The following PCDH18 variants were observed in gnomAD, a reference collection of about 807,000 sequenced individuals.
PCDH18 encodes protocadherin 18.
PCDH18 carries 38 observed loss-of-function variants against 71.5 expected under a neutral mutation model. The observed-to-expected ratio is 0.53, with a 90% CI of 0.41 to 0.70. The LOEUF (loss-of-function observed/expected upper bound fraction) is 0.70. Among genes scored for constraint, PCDH18 ranks in the 30% least tolerant of loss-of-function variants. The pLI, the probability that PCDH18 is intolerant of heterozygous loss-of-function variation, is 0.00. For missense variants in PCDH18, 1,334 were observed against 1,384.6 expected, an observed-to-expected ratio of 0.96 and a Z score of 0.58; for synonymous variants, 565 against 505.4, an observed-to-expected ratio of 1.12 and a Z score of -1.58.
Position 137,532,133 on chromosome 4 carries a change from A to G in PCDH18, c.-45T>C. The G allele has an allele frequency of 6.8e-7, 1 of 1,466,044 alleles. No homozygotes were observed. The highest frequency in any genetic ancestry group is 9.6e-7 in the Non-Finnish European group (1 of 1,046,396). The allele number at this position is 1,466,044 out of a possible 1,614,324, so 90.8% of individuals were successfully genotyped here. A position where few individuals can be genotyped will look rare whatever the true frequency, so the allele number is the denominator to read the frequency against. ...CCCTCACAGAGCAAGTTAAAACAGC[A>G]AAGCAATTGCCTCAACTTCCTTTGG... On this transcript the variant is annotated 5_prime_UTR_variant, in exon 1 of 4. Coordinates refer to ENST00000344876, the MANE Select transcript of PCDH18 (RefSeq NM_019035.5).
rs573140532 is a variant in PCDH18, at chr4:137,530,504, C to A, written c.1585G>T (p.Ala529Ser). The change falls in exon 1 of 4, where the codon GCC (alanine) becomes TCC (serine). Residue 529 changes from alanine (A) to serine (S), a missense_variant. Transcript: ENST00000344876. ...TIDPSNGAIY[A>S]LRIFDHEEVS... ...TCTTCATGATCAAAGATTCTGAGGG[C>A]ATAGATGGCTCCATTAGATGGGTCA... 6.2e-7 allele frequency: 1 copy of A among 1,613,834 alleles called. No homozygotes were observed. Among genetic ancestry groups the A allele is most frequent in the South Asian group, 1.1e-5 (1 of 91,044 alleles).
rs753136918 is a variant in PCDH18, at chr4:137,530,524, G to A, written c.1565C>T (p.Pro522Leu). ...GAGGGCATAGATGGCTCCATTAGAT[G>A]GGTCAATGGTTACATATGTAGTTAT... ...SSITTYVTIDPSNGAIYALRI... is the reference protein window; with the variant it reads ...SSITTYVTIDLSNGAIYALRI... The change falls in exon 1 of 4, where the codon CCA (proline) becomes CTA (leucine). Residue 522 changes from proline (P) to leucine (L), a missense_variant. Physicochemically the swap from Pro to Leu is moderately conservative, Grantham distance 98. This residue lies in a region of PCDH18 where 1,011 missense variants were observed against 1,048.0 expected (regional missense o/e 0.96). Coordinates refer to ENST00000344876, the MANE Select transcript of PCDH18 (RefSeq NM_019035.5). 3.7e-6 allele frequency: 6 copies of A among 1,613,538 alleles called. No individual in the cohort carries two copies. Among genetic ancestry groups the A allele is most frequent in the Non-Finnish European group, 5.1e-6 (6 of 1,179,700 alleles).
chr4:137,530,483 C>G lies in PCDH18; in HGVS notation c.1606G>C (p.Glu536Gln). 6.2e-7 allele frequency: 1 copy of G among 1,614,034 alleles called. No homozygotes were observed. Among genetic ancestry groups the G allele is most frequent in the Non-Finnish European group, 8.5e-7 (1 of 1,179,960 alleles). Residue 536 changes from glutamate (E) to glutamine (Q), a missense_variant, in exon 1 of 4, where the codon GAA becomes CAA. Physicochemically the swap from Glu to Gln is conservative, Grantham distance 29. This residue lies in a region of PCDH18 where 1,011 missense variants were observed against 1,048.0 expected (regional missense o/e 0.96). Transcript: ENST00000344876. ...AIYALRIFDH[E>Q]EVSQITFVVE... is the part of the protein sequence containing the mutation. ...ACAAAAGTGATCTGACTCACTTCTT[C>G]ATGATCAAAGATTCTGAGGGCATAG... is the stretch of plus-strand genomic sequence containing the variant.
chr4:137,521,388 G>A lies in PCDH18; in HGVS notation c.3049C>T (p.Pro1017Ser), dbSNP rs769506467. The change falls in exon 4 of 4, where the codon CCG (proline) becomes TCG (serine). Residue 1017 changes from proline (P) to serine (S), a missense_variant. This residue lies in a region of PCDH18 where 319 missense variants were observed against 316.3 expected (regional missense o/e 1.01). Transcript: ENST00000344876. ...TCAGAATAGGTGTCCAGGGAAGGCG[G>A]TAAGAGACGCTGGAACACACTGCTC... ...EMSSVFQRLL[P>S]PSLDTYSECS... 2 of 1,614,046 alleles carry A rather than the reference G, an allele frequency of 1.2e-6. No homozygotes were observed. Among genetic ancestry groups the A allele is most frequent in the African/African-American group, 2.7e-5 (2 of 74,924 alleles).
In PCDH18 at chr4:137,528,508, G is replaced by A; in HGVS notation, c.2710C>T (p.Leu904=). The change falls in exon 3 of 4, where the codon CTG becomes TTG. Residue 904 remains leucine (L), a synonymous_variant. Transcript: ENST00000344876. The part of the protein sequence containing the change: ...DRLLGEGFSD[L]FLTDGRIPAA... ...GGAATTCTTCCATCTGTGAGAAACA[G>A]GTCGCTGAATCCTTCACCCAACAGC... is the stretch of plus-strand genomic sequence containing the variant. 2 of 1,613,860 alleles carry A rather than the reference G, an allele frequency of 1.2e-6. No individual in the cohort carries two copies. The highest frequency in any genetic ancestry group is 8.5e-7 in the Non-Finnish European group (1 of 1,179,844).
Position 137,528,948 on chromosome 4 carries a change from T to C in PCDH18, c.2488-128A>G, listed in dbSNP as rs1309259504. ...GAATATATTCTCTCTATTTAAAAGA[T>C]TTGCAAATGCTGGACTGTGGCGGAC... On this transcript the variant is annotated intron_variant, in intron 1 of 3. Transcript: ENST00000344876. 5 of 729,798 alleles carry C rather than the reference T, an allele frequency of 6.9e-6. No homozygotes were observed. In the African/African-American group the frequency reaches 8.9e-5, roughly 13 times the overall value. 45.2% of individuals were successfully genotyped at this position (729,798 alleles called of 1,614,324 possible).
In PCDH18 at chr4:137,530,277, C is replaced by T. The variant is rs1210143224; in HGVS notation, c.1812G>A (p.Arg604=). The T allele has an allele frequency of 6.2e-7, 1 of 1,613,934 alleles. No homozygotes were observed. The highest frequency in any genetic ancestry group is 1.7e-5 in the Admixed American group (1 of 59,998). ...AESGFHVTRI[R]AIDRDSGVNA... is the part of the protein sequence containing the mutation. Reference sequence around the variant, plus strand: ...TCACACCAGAGTCTCTGTCAATTGCCCTTATTCTTGTGACATGAAAGCCAC... The same window carrying T: ...TCACACCAGAGTCTCTGTCAATTGCTCTTATTCTTGTGACATGAAAGCCAC... The change falls in exon 1 of 4, where the codon AGG becomes AGA. Residue 604 remains arginine (R), a synonymous_variant. Transcript: ENST00000344876.
chr4:137,525,810 C>T (rs1731436677), intron 3 of PCDH18, among the ~76,000 whole-genome samples: 1 of 152,022 alleles, frequency 6.6e-6, no homozygotes, highest in South Asian at 2.1e-4. Flanking sequence ...ACTCTCCAGC[C>T]ACACCCATGG....
At chr4:137,529,431 A>G (rs575462975) in intron 1 of PCDH18, 171 bp downstream of exon 1, 3 of 517,872 alleles carry the variant, frequency 5.8e-6, no homozygotes, top group Admixed American at 3.3e-5. Context: ...TAAAAACAGT[A>G]TGCTAAAGTG....
At chr4:137,525,884 TTAA>T (rs1329915821) in intron 3 of PCDH18, among the ~76,000 whole-genome samples, 1 of 152,116 alleles carries the variant, frequency 6.6e-6, no homozygotes, top group Non-Finnish European at 1.5e-5. Context: ...AGTGGAATTA[TTAA>T]TGATGATATA....
chr4:137,521,604 TC>T lies in PCDH18; in HGVS notation c.2832del (p.Ser945ValfsTer64). 1 of 1,613,858 alleles carries T rather than the reference TC, an allele frequency of 6.2e-7. No individual in the cohort carries two copies. The highest frequency in any genetic ancestry group is 8.5e-7 in the Non-Finnish European group (1 of 1,179,982). ...TCTTCCCCTGGAATGAACATGTTACTCCTATAATCAGAAGACGGTGAGGGCA... is the reference window on the plus strand; with the variant it reads ...TCTTCCCCTGGAATGAACATGTTACTCTATAATCAGAAGACGGTGAGGGCA... ...PPLPSPSSDYRSNMFIPGEEF... is the reference protein window; with the variant it reads ...PPLPSPSSDYXSNMFIPGEEF... On this transcript the variant is annotated frameshift_variant, in exon 4 of 4. Transcript: ENST00000344876. LOFTEE classifies it high-confidence loss of function.
chr4:137,531,126 C>T lies in PCDH18; in HGVS notation c.963G>A (p.Glu321=), dbSNP rs774399542. ...QVDYEITKSY[E]IDVQAQDLGP... is the part of the protein sequence containing the mutation. ...CCAAATCTTGAGCCTGAACATCAAT[C>T]TCATAGGATTTGGTGATTTCATAAT... The change falls in exon 1 of 4, where the codon GAG becomes GAA. Residue 321 remains glutamate (E), a synonymous_variant. Transcript: ENST00000344876. The T allele has an allele frequency of 4.3e-6, 7 of 1,613,770 alleles. No individual in the cohort carries two copies. The Admixed American group carries it at 1.2e-4, about 27-fold the overall frequency.
At position 137,529,758 on chromosome 4, in the gene PCDH18, C is replaced by T. The variant is rs140521915; in HGVS notation, c.2331G>A (p.Ser777=). 109 of 1,613,774 alleles carry T rather than the reference C, an allele frequency of 6.8e-5. 1 individual carries two copies. In the East Asian group the frequency reaches 1.6e-3, roughly 24 times the overall value. ...GTLPIRSHHR[S]SPSSSPTLER... ...CTAAGGTAGGAGATGAAGATGGAGA[C>T]GATCTGTGATGAGATCTGATGGGCA... The change falls in exon 1 of 4, where the codon TCG becomes TCA. Residue 777 remains serine (S), a synonymous_variant. Transcript: ENST00000344876.
chr4:137,521,220 G>A lies in PCDH18; in HGVS notation c.3217C>T (p.Leu1073Phe), dbSNP rs1207963575. ...GGCTGCACACTGGAGTGAGTTCCAA[G>A]TGGCGGCCCACAGTTGGTGGTGGGA... ...QNPTTNCGPP[L>F]GTHSSVQPSS... is the part of the protein sequence containing the mutation. Residue 1073 changes from leucine to phenylalanine, a missense_variant, in exon 4 of 4, where the codon CTT (leucine) becomes TTT (phenylalanine). Coordinates refer to ENST00000344876, the MANE Select transcript of PCDH18 (RefSeq NM_019035.5). 1.2e-6 allele frequency: 2 copies of A among 1,613,862 alleles called. No homozygotes were observed. Among genetic ancestry groups the A allele is most frequent in the Admixed American group, 3.3e-5 (2 of 60,000 alleles).
Position 137,519,765 on chromosome 4 carries a change from T to C in PCDH18, c.*1264A>G, listed in dbSNP as rs954530269. 2.0e-5 allele frequency: 3 copies of C among 152,452 alleles called. No homozygotes were observed. Among genetic ancestry groups the C allele is most frequent in the Non-Finnish European group, 4.4e-5 (3 of 68,038 alleles). The allele number at this position is 152,452 out of a possible 1,614,324, so 9.4% of individuals were successfully genotyped here. ...AATTTTCTGGAGAGTACAATCAAGATAGTGTATTATTAGAAATAACATTAA... is the reference window on the plus strand; with the variant it reads ...AATTTTCTGGAGAGTACAATCAAGACAGTGTATTATTAGAAATAACATTAA... On this transcript the variant is annotated 3_prime_UTR_variant, in exon 4 of 4. Transcript: ENST00000344876.
intron 3 of PCDH18, among the ~76,000 whole-genome samples, chr4:137,527,535 C>T (rs1052258846): frequency 2.0e-5 from 3 of 152,100 alleles, no homozygotes; most frequent in Non-Finnish European, 4.4e-5. Flanking sequence ...GTCTGAGGCT[C>T]CCTCATGTTT....
chr4:137,524,062 T>G lies in PCDH18; in HGVS notation c.2741-2366A>C, dbSNP rs140585975. On this transcript the variant is annotated intron_variant, in intron 3 of 3. Transcript: ENST00000344876. ...GAAAACATTCTCAATCTGTAAGTAATTCAGTGCCACAAATGTTCCATACTA... is the reference window on the plus strand; with the variant it reads ...GAAAACATTCTCAATCTGTAAGTAAGTCAGTGCCACAAATGTTCCATACTA... Among the ~76,000 whole-genome samples, 1,521 of 152,248 alleles carry G rather than the reference T, an allele frequency of 1.0e-2. 16 individuals carry two copies. The highest frequency in any genetic ancestry group is 0.021 in the South Asian group (101 of 4,826).
At chr4:137,523,970 C>T (rs115442467) in intron 3 of PCDH18, among the ~76,000 whole-genome samples, 1,679 of 152,146 alleles carry the variant, frequency 0.011, 29 homozygotes, top group Admixed American at 0.03. Flanking sequence ...GGAAGAGTAA[C>T]GGTGCAGAAG....
At chr4:137,528,445 G>GA in intron 3 of PCDH18, 33 bp downstream of exon 3, 2 of 1,595,128 alleles carry the variant, frequency 1.3e-6, no homozygotes, top group East Asian at 2.2e-5. Flanking sequence ...CGGTAGACCT[G>GA]AAAATAAAGA....
Sources: allele counts gnomAD v4.1 joint callset (sites outside exome capture counted in the v4.1 genomes callset), GRCh38; gene constraint gnomAD v4.1.1; regional missense constraint gnomAD v4.1.1; transcripts MANE v1.5; gene names NCBI Gene and HGNC (gene_info 2026-07-23, HGNC 2026-07-21).